EFNA5: variants seen among roughly 807,000 people sequenced by gnomAD.
EFNA5 encodes the protein ephrin A5.
In EFNA5, 5 loss-of-function variants were observed where a neutral mutation model predicts 22.9. That is an observed-to-expected ratio of 0.22 (90% CI 0.11 to 0.46). The LOEUF is 0.46. Among genes scored for constraint, EFNA5 ranks in the 20% least tolerant of loss-of-function variants. The probability of loss-of-function intolerance (pLI) is 0.99; values close to 1 mark genes in which losing one functional copy is unlikely to be tolerated. For missense variants in EFNA5, 237 were observed against 293.3 expected (o/e 0.81, Z 1.40); for synonymous variants, 113 against 112.2 (o/e 1.01, Z -0.04).
intron 1 of EFNA5, among the ~76,000 whole-genome samples, chr5:107,614,840 A>C (rs1416993138): frequency 6.6e-6 from 1 of 152,230 alleles, no homozygotes; most frequent in Non-Finnish European, 1.5e-5. Flanking sequence ...TATAATGAGC[A>C]CTATATATAA....
intron 1 of EFNA5, among the ~76,000 whole-genome samples, chr5:107,570,113 G>A (rs1371411620): frequency 3.3e-5 from 5 of 152,048 alleles, no homozygotes; most frequent in African/African-American, 1.2e-4. Context: ...ACCTCCTAAT[G>A]GTGAAAGAAA....
At position 107,669,664 on chromosome 5, in the gene EFNA5, C is replaced by T. The variant is rs143664377; in HGVS notation, c.125+825G>A. ...TACCCGGCGGGCTTCGGGACGCCTA[C>T]AAATCGGTTCCAGGTAATCGCGCGC... On this transcript the variant is annotated intron_variant, in intron 1 of 4. Coordinates refer to ENST00000333274, the MANE Select transcript of EFNA5 (RefSeq NM_001962.3). 8.7e-4 allele frequency among the ~76,000 whole-genome samples: 133 copies of T among 152,262 alleles called. 1 individual carries two copies. The highest frequency in any genetic ancestry group is 8.2e-3 in the East Asian group (42 of 5,126).
intron 1 of EFNA5, among the ~76,000 whole-genome samples, chr5:107,503,498 A>T (rs1414440905): frequency 6.6e-6 from 1 of 152,244 alleles, no homozygotes; most frequent in Non-Finnish European, 1.5e-5. Context: ...TTCGTTGCTC[A>T]GAATACAGGC....
intron 1 of EFNA5, among the ~76,000 whole-genome samples, chr5:107,605,747 G>A (rs1749698960): frequency 6.6e-6 from 1 of 152,084 alleles, no homozygotes; most frequent in African/African-American, 2.4e-5. Context: ...AGATTGCATT[G>A]TTCTTACAAG....
At chr5:107,490,845 A>G (rs554884334) in intron 1 of EFNA5, among the ~76,000 whole-genome samples, 1 of 152,326 alleles carries the variant, frequency 6.6e-6, no homozygotes, top group Admixed American at 6.5e-5. Flanking sequence ...ACATACTCTA[A>G]CAGGACATGA....
intron 1 of EFNA5, among the ~76,000 whole-genome samples, chr5:107,591,880 TA>T (rs1337382188): frequency 2.9e-5 from 1 of 34,816 alleles, no homozygotes; most frequent in African/African-American, 2.0e-4. Flanking sequence ...ATATAATATA[TA>T]ATATATATAT....
At position 107,419,363 on chromosome 5, in the gene EFNA5, T is replaced by C. The variant is rs887456224; in HGVS notation, c.418+7854A>G. ...ATTCTTTAAATAAAAAGGTGCATTA[T>C]TGCAGCTTCACTAAAGACCTGTGGG... On this transcript the variant is annotated intron_variant, in intron 2 of 4. Transcript: ENST00000333274. Among the ~76,000 whole-genome samples, 11 of 152,314 alleles carry C rather than the reference T, an allele frequency of 7.2e-5. No homozygotes were observed. In the East Asian group the frequency reaches 2.1e-3, roughly 29 times the overall value.
At chr5:107,619,791 T>C (rs1449508958) in intron 1 of EFNA5, among the ~76,000 whole-genome samples, 1 of 152,146 alleles carries the variant, frequency 6.6e-6, no homozygotes, top group Non-Finnish European at 1.5e-5. Flanking sequence ...TGTCTTTCAG[T>C]AGCATCACAA....
intron 1 of EFNA5, among the ~76,000 whole-genome samples, chr5:107,439,988 G>A (rs1749214551): frequency 6.6e-6 from 1 of 152,110 alleles, no homozygotes; most frequent in African/African-American, 2.4e-5. Context: ...GGTGGCCTGT[G>A]GTTTAGACTG....
chr5:107,548,247 C>A (rs558772846), intron 1 of EFNA5, among the ~76,000 whole-genome samples: 2 of 152,280 alleles, frequency 1.3e-5, no homozygotes, highest in South Asian at 4.1e-4. Flanking sequence ...AGACTACCTA[C>A]ACTTTTTAAA....
intron 1 of EFNA5, among the ~76,000 whole-genome samples, chr5:107,539,527 C>T (rs1748000232): frequency 1.3e-5 from 2 of 152,150 alleles, no homozygotes; most frequent in African/African-American, 4.8e-5. Flanking sequence ...GGGGTGATCT[C>T]GGCTCACTGC....
rs1237207215 is a variant in EFNA5, at chr5:107,381,476, T to C, written c.566-100A>G. On this transcript the variant is annotated intron_variant, in intron 4 of 4. Transcript: ENST00000333274. ...ACAGACCTCGCCACCCTCTGCAAAG[T>C]AGGGTAATGAACCTTGTGCCACCAT... is the stretch of plus-strand genomic sequence containing the variant. 8 of 1,344,434 alleles carry C rather than the reference T, an allele frequency of 6.0e-6. No homozygotes were observed. In the East Asian group the frequency reaches 1.7e-4, roughly 29 times the overall value. 83.3% of individuals were successfully genotyped at this position (1,344,434 alleles called of 1,614,324 possible). A position where few individuals can be genotyped will look rare whatever the true frequency, so the allele number is the denominator to read the frequency against.
rs576539033 is a variant in EFNA5 at position 107,440,300 on chromosome 5, C to T, written c.126-12791G>A. Reference sequence around the variant, plus strand: ...TCAAGTACTACAATATTTCTACCTACTTAAATGCTTGTCTATCTCAATGAC... The same window carrying T: ...TCAAGTACTACAATATTTCTACCTATTTAAATGCTTGTCTATCTCAATGAC... On this transcript the variant is annotated intron_variant, in intron 1 of 4. Transcript: ENST00000333274. Among the ~76,000 whole-genome samples, 3 of 152,300 alleles carry T rather than the reference C, an allele frequency of 2.0e-5. No homozygotes were observed. The South Asian group carries it at 6.2e-4, about 32-fold the overall frequency.
At chr5:107,500,405 T>C (rs1392519702) in intron 1 of EFNA5, among the ~76,000 whole-genome samples, 2 of 152,240 alleles carry the variant, frequency 1.3e-5, no homozygotes, top group Non-Finnish European at 2.9e-5. Context: ...TCTTTCTTGT[T>C]CTGTAATAAT....
intron 1 of EFNA5, among the ~76,000 whole-genome samples, chr5:107,476,057 T>TATATATATATGTATATA: frequency 7.0e-5 from 7 of 100,412 alleles, no homozygotes; most frequent in South Asian, 3.1e-4. Flanking sequence ...TATATATATA[T>TATATATATATGTATATA]TTTTTTTTTT....
chr5:107,463,179 T>G (rs1749880279), intron 1 of EFNA5, among the ~76,000 whole-genome samples: 1 of 152,170 alleles, frequency 6.6e-6, no homozygotes, highest in Admixed American at 6.5e-5. Flanking sequence ...CCAAAGATTT[T>G]GAGGTAATTC....
At chr5:107,479,663 T>A (rs1342922328) in intron 1 of EFNA5, among the ~76,000 whole-genome samples, 1 of 152,078 alleles carries the variant, frequency 6.6e-6, no homozygotes, top group East Asian at 1.9e-4. Context: ...CACAACTCCC[T>A]CCCTATGCAA....
At chr5:107,577,097 C>T (rs1338010331) in intron 1 of EFNA5, among the ~76,000 whole-genome samples, 2 of 152,168 alleles carry the variant, frequency 1.3e-5, no homozygotes, top group Non-Finnish European at 2.9e-5. Context: ...CCTTGCCTTG[C>T]AGCAGATCAG....
chr5:107,437,667 C>T (rs1749151786), intron 1 of EFNA5, among the ~76,000 whole-genome samples: 1 of 152,154 alleles, frequency 6.6e-6, no homozygotes, highest in African/African-American at 2.4e-5. Flanking sequence ...CATGTTTGCA[C>T]ATAGTAGCGA....
Sources: gnomAD v4.1 joint callset for allele counts (sites outside exome capture counted in the v4.1 genomes callset) on GRCh38, gnomAD v4.1.1 for gene constraint, MANE v1.5 for transcripts, NCBI Gene and HGNC (gene_info 2026-07-23, HGNC 2026-07-21) for gene names.